Variants in CMTR2 observed in about 807,000 individuals in gnomAD.
CMTR2 encodes the protein cap-specific mRNA (nucleoside-2'-O-)-methyltransferase 2.
In CMTR2, 40 loss-of-function variants were observed where a neutral mutation model predicts 49.8. The ratio of observed to expected loss-of-function variants is 0.80; its 90% confidence interval spans 0.62 to 1.04. CMTR2 has a LOEUF of 1.04. Among genes scored for constraint, CMTR2 ranks in the 50% least tolerant of loss-of-function variants. The pLI is 0.00. For missense variants in CMTR2, 907 were observed against 897.2 expected (o/e 1.01, Z -0.14); for synonymous variants, 326 against 315.8 (o/e 1.03, Z -0.34).
At chr16:71,288,023 C>A (rs534391947) in intron 2 of CMTR2, 1 of 152,260 alleles carries the variant, frequency 6.6e-6, no homozygotes, top group East Asian at 1.9e-4. Flanking sequence ...TAGGAAATTA[C>A]CTTCACATGA....
rs1225776931 is a variant in CMTR2 at position 71,282,758 on chromosome 16, C to T, written c.*850G>A. Reference sequence around the variant, plus strand: ...GTTCATCACATTCATGTGTTCCCAACATGAGACTAAACACTATCTCAAAAT... The same window carrying T: ...GTTCATCACATTCATGTGTTCCCAATATGAGACTAAACACTATCTCAAAAT... On this transcript the variant is annotated 3_prime_UTR_variant, in exon 3 of 3. Coordinates refer to ENST00000434935, the MANE Select transcript of CMTR2 (RefSeq NM_018348.6). 1.3e-5 allele frequency: 2 copies of T among 152,346 alleles called. No homozygotes were observed. The highest frequency in any genetic ancestry group is 2.9e-5 in the Non-Finnish European group (2 of 67,996). 9.4% of individuals were successfully genotyped at this position (152,346 alleles called of 1,614,324 possible).
rs2041713726 is a variant in CMTR2, at chr16:71,285,755, C to T, written c.166G>A (p.Asp56Asn). The T allele has an allele frequency of 2.5e-6, 4 of 1,613,790 alleles. No homozygotes were observed. Among genetic ancestry groups the T allele is most frequent in the Non-Finnish European group, 3.4e-6 (4 of 1,179,908 alleles). Residue 56 changes from aspartate to asparagine, a missense_variant, in exon 3 of 3, where the codon GAC (aspartate) becomes AAC (asparagine). By Grantham distance (23) the Asp-to-Asn change is conservative (BLOSUM62 1). Coordinates refer to ENST00000434935, the MANE Select transcript of CMTR2 (RefSeq NM_018348.6). Reference sequence around the variant, plus strand: ...AGAAATGCATTAAGTTCAGTGTGGTCACAGGTGAAAATCTCACTGGGATCT... The same window carrying T: ...AGAAATGCATTAAGTTCAGTGTGGTTACAGGTGAAAATCTCACTGGGATCT... ...LPDPSEIFTC[D>N]HTELNAFLDL...
chr16:71,284,811 A>T lies in CMTR2; in HGVS notation c.1110T>A (p.Tyr370Ter), dbSNP rs773506239. 6.2e-7 allele frequency: 1 copy of T among 1,613,710 alleles called. No homozygotes were observed. The highest frequency in any genetic ancestry group is 1.3e-5 in the African/African-American group (1 of 74,934). ...HEECCVFFHKYQLETISENIR... is the reference protein window; with the variant it reads ...HEECCVFFHK ...TGTTTTCAGAAATAGTCTCTAGCTG[A>T]TATTTATGAAAGAACACACAACATT... The change falls in exon 3 of 3, where the codon TAT becomes TAA. Residue 370 changes from tyrosine to a stop codon, truncating the protein, a stop_gained. Transcript: ENST00000434935. LOFTEE classifies it high-confidence loss of function.
At position 71,284,957 on chromosome 16, in the gene CMTR2, C is replaced by T. The variant is rs2041690554; in HGVS notation, c.964G>A (p.Gly322Arg). 1.2e-6 allele frequency: 2 copies of T among 1,614,030 alleles called. No homozygotes were observed. The highest frequency in any genetic ancestry group is 1.7e-6 in the Non-Finnish European group (2 of 1,179,888). ...EVYVVCLHYK[G>R]REAIHPLLSK... ...AACAGAGGATGGATGGCCTCTCTCC[C>T]CTTATAGTGGAGGCAAACCACATAG... Residue 322 changes from glycine (G) to arginine (R), a missense_variant, in exon 3 of 3, where the codon GGG becomes AGG. Gly to Arg is a moderately radical substitution (Grantham distance 125). Transcript: ENST00000434935.
At position 71,285,516 on chromosome 16, in the gene CMTR2, A is replaced by G. The variant is rs1489063058; in HGVS notation, c.405T>C (p.Asn135=). Residue 135 remains asparagine, a synonymous_variant, in exon 3 of 3, where the codon AAT becomes AAC. Transcript: ENST00000434935. ...FPLIPQEAFQ[N]GKLNSLHLCE... is the part of the protein sequence containing the mutation. ...AAAGGTGTAGAGAATTCAGTTTTCCATTCTGAAAAGCTTCCTGTGGAATAA... is the reference window on the plus strand; with the variant it reads ...AAAGGTGTAGAGAATTCAGTTTTCCGTTCTGAAAAGCTTCCTGTGGAATAA... 6.2e-7 allele frequency: 1 copy of G among 1,613,856 alleles called. No individual in the cohort carries two copies. Among genetic ancestry groups the G allele is most frequent in the Non-Finnish European group, 8.5e-7 (1 of 1,179,928 alleles).
At position 71,281,872 on chromosome 16, in the gene CMTR2, G is replaced by C. The variant is rs888865963; in HGVS notation, c.*1736C>G. 6.6e-6 allele frequency: 1 copy of C among 151,686 alleles called. No individual in the cohort carries two copies. The highest frequency in any genetic ancestry group is 6.6e-5 in the Admixed American group (1 of 15,234). The allele number at this position is 151,686 out of a possible 1,614,324, so 9.4% of individuals were successfully genotyped here. ...CATTCTTATCAAATAGTTAAAATAAGTAAAAAATAAGCTGCATTATTAGTA... is the reference window on the plus strand; with the variant it reads ...CATTCTTATCAAATAGTTAAAATAACTAAAAAATAAGCTGCATTATTAGTA... On this transcript the variant is annotated 3_prime_UTR_variant, in exon 3 of 3. Transcript: ENST00000434935.
chr16:71,285,571 T>C lies in CMTR2; in HGVS notation c.350A>G (p.Lys117Arg). The change falls in exon 3 of 3, where the codon AAG becomes AGG. Residue 117 changes from lysine to arginine, a missense_variant. Coordinates refer to ENST00000434935, the MANE Select transcript of CMTR2 (RefSeq NM_018348.6). ...AAAGCTGCACAAAATCTCATGGAAC[T>C]TACACCATGCTTGAGTACAAAGTTC... ...NAELCTQAWC[K>R]FHEILCSFPL... is the part of the protein sequence containing the mutation. 6.2e-7 allele frequency: 1 copy of C among 1,614,094 alleles called. No homozygotes were observed. Among genetic ancestry groups the C allele is most frequent in the Non-Finnish European group, 8.5e-7 (1 of 1,179,992 alleles).
chr16:71,288,678 C>A (rs1367733812), intron 2 of CMTR2, 200 bp downstream of exon 2: 1 of 151,650 alleles, frequency 6.6e-6, no homozygotes, highest in African/African-American at 2.4e-5. Flanking sequence ...TGGCTTACAG[C>A]GTGTGTGGAA....
chr16:71,284,170 C>T lies in CMTR2; in HGVS notation c.1751G>A (p.Gly584Asp), dbSNP rs2041668667. ...PSNQIKCLLV[G>D]FSTLRNIKMH... is the part of the protein sequence containing the mutation. Reference sequence around the variant, plus strand: ...TTTGATATTACGGAGAGTCGAAAAGCCCACCAGCAGGCACTTTATTTGATT... The same window carrying T: ...TTTGATATTACGGAGAGTCGAAAAGTCCACCAGCAGGCACTTTATTTGATT... The change falls in exon 3 of 3, where the codon GGC becomes GAC. Residue 584 changes from glycine to aspartate, a missense_variant. Transcript: ENST00000434935. The T allele has an allele frequency of 6.2e-7, 1 of 1,613,772 alleles. No individual in the cohort carries two copies. Among genetic ancestry groups the T allele is most frequent in the African/African-American group, 1.3e-5 (1 of 74,878 alleles).
At position 71,283,543 on chromosome 16, in the gene CMTR2, C is replaced by A; in HGVS notation, c.*65G>T. ...ATAAAAGGTTTTTAAATTAATAGAG[C>A]AACAGGATGCAAATACTGGGCAAAT... On this transcript the variant is annotated 3_prime_UTR_variant, in exon 3 of 3. Transcript: ENST00000434935. The A allele has an allele frequency of 6.6e-7, 1 of 1,518,910 alleles. No individual in the cohort carries two copies. Among genetic ancestry groups the A allele is most frequent in the South Asian group, 1.3e-5 (1 of 74,502 alleles). 94.1% of individuals were successfully genotyped at this position (1,518,910 alleles called of 1,614,324 possible). A position where few individuals can be genotyped will look rare whatever the true frequency, so the allele number is the denominator to read the frequency against.
In CMTR2 at chr16:71,285,577, C is replaced by T; in HGVS notation, c.344G>A (p.Trp115Ter). The T allele has an allele frequency of 6.2e-7, 1 of 1,614,050 alleles. No homozygotes were observed. The highest frequency in any genetic ancestry group is 8.5e-7 in the Non-Finnish European group (1 of 1,179,988). Residue 115 changes from tryptophan (W) to a stop codon, truncating the protein, a stop_gained, in exon 3 of 3, where the codon TGG becomes TAG. Coordinates refer to ENST00000434935, the MANE Select transcript of CMTR2 (RefSeq NM_018348.6). LOFTEE classifies it high-confidence loss of function. The part of the protein sequence containing the change: ...SVNAELCTQA[W>*]CKFHEILCSF... ...GCACAAAATCTCATGGAACTTACAC[C>T]ATGCTTGAGTACAAAGTTCAGCATT...
In CMTR2 at chr16:71,284,049, A is replaced by G; in HGVS notation, c.1872T>C (p.Arg624=). The change falls in exon 3 of 3, where the codon CGT becomes CGC. Residue 624 remains arginine, a synonymous_variant. Transcript: ENST00000434935. ...LLHDGDPTYQ[R]LFLDCLLHSL... ...AATGTAGAAGGCAGTCCAAAAATAA[A>G]CGCTGGTAAGTTGGATCTCCATCAT... is the stretch of plus-strand genomic sequence containing the variant. The G allele has an allele frequency of 6.2e-7, 1 of 1,614,020 alleles. No homozygotes were observed. The highest frequency in any genetic ancestry group is 1.3e-5 in the African/African-American group (1 of 75,048).
rs759417396 is a variant in CMTR2 at position 71,285,384 on chromosome 16, T to C, written c.537A>G (p.Glu179=). ...TAATCATCATGAGGTCGTCATTTGC[T>C]TCATGGTATGGATTCAGAGTATTCG... The part of the protein sequence containing the change: ...WVANTLNPYH[E]ANDDLMMIMD... The change falls in exon 3 of 3, where the codon GAA becomes GAG. Residue 179 remains glutamate, a synonymous_variant. Coordinates refer to ENST00000434935, the MANE Select transcript of CMTR2 (RefSeq NM_018348.6). 20 of 1,613,970 alleles carry C rather than the reference T, an allele frequency of 1.2e-5. No homozygotes were observed. The highest frequency in any genetic ancestry group is 1.6e-4 in the Middle Eastern group (1 of 6,084).
rs759769535 is a variant in CMTR2 at position 71,284,973 on chromosome 16, A to T, written c.948T>A (p.Val316=). The stretch of plus-strand genomic sequence containing the variant: ...CCTCTCTCCCCTTATAGTGGAGGCA[A>T]ACCACATAGACTTCGGAGTTTCCTG... ...SKAGNSEVYV[V]CLHYKGREAI... is the part of the protein sequence containing the mutation. The change falls in exon 3 of 3, where the codon GTT becomes GTA. Residue 316 remains valine (V), a synonymous_variant. Transcript: ENST00000434935. 2 of 1,614,136 alleles carry T rather than the reference A, an allele frequency of 1.2e-6. No homozygotes were observed. The highest frequency in any genetic ancestry group is 2.2e-5 in the South Asian group (2 of 91,076).
chr16:71,285,121 C>G lies in CMTR2; in HGVS notation c.800G>C (p.Gly267Ala). ...CTTTAGAACAAAAGAGCCACCGTTT[C>G]CAAGAGTGGTCAGAGCAGTGACAAC... ...CEVVTALTTL[G>A]NGGSFVLKMF... is the part of the protein sequence containing the mutation. Residue 267 changes from glycine to alanine, a missense_variant, in exon 3 of 3, where the codon GGA becomes GCA. By Grantham distance (60) the Gly-to-Ala change is moderately conservative. Coordinates refer to ENST00000434935, the MANE Select transcript of CMTR2 (RefSeq NM_018348.6). The G allele has an allele frequency of 6.2e-7, 1 of 1,614,142 alleles. No homozygotes were observed. The highest frequency in any genetic ancestry group is 8.5e-7 in the Non-Finnish European group (1 of 1,179,982).
In CMTR2 at chr16:71,285,256, A is replaced by G; in HGVS notation, c.665T>C (p.Phe222Ser). ...GTGAACAGTAGCCATGCTGCTTATGAAATTCTGAAGTCCAGTCAAGAATTT... is the reference window on the plus strand; with the variant it reads ...GTGAACAGTAGCCATGCTGCTTATGGAATTCTGAAGTCCAGTCAAGAATTT... ...TLKFLTGLQN[F>S]ISSMATVHLV... Residue 222 changes from phenylalanine (F) to serine (S), a missense_variant, in exon 3 of 3, where the codon TTC becomes TCC. Coordinates refer to ENST00000434935, the MANE Select transcript of CMTR2 (RefSeq NM_018348.6). The G allele has an allele frequency of 6.2e-7, 1 of 1,614,150 alleles. No individual in the cohort carries two copies. The highest frequency in any genetic ancestry group is 8.5e-7 in the Non-Finnish European group (1 of 1,179,978).
upstream of CMTR2, chr16:71,289,663 A>AGGGGGAGGGGGGGGGGGGGGGGGGGGG (rs1259857977): frequency 8.5e-5 from 1 of 11,754 alleles, no homozygotes; most frequent in Non-Finnish European, 1.6e-4. Context: ...GGGGAGGGGG[A>AGGGGGAGGGGGGGGGGGGGGGGGGGGG]GGGAGGGAAG....
Position 71,283,505 on chromosome 16 carries a change from G to A in CMTR2, c.*103C>T, listed in dbSNP as rs990534209. On this transcript the variant is annotated 3_prime_UTR_variant, in exon 3 of 3. Transcript: ENST00000434935. ...GAGACTTTGAATGATGCAAATGTTGGCCTTTCCCCAAAATAAAAGGTTTTT... is the reference window on the plus strand; with the variant it reads ...GAGACTTTGAATGATGCAAATGTTGACCTTTCCCCAAAATAAAAGGTTTTT... The A allele has an allele frequency of 8.3e-6, 11 of 1,323,738 alleles. No homozygotes were observed. The African/African-American group carries it at 1.5e-4, about 18-fold the overall frequency. The allele number at this position is 1,323,738 out of a possible 1,614,324, so 82.0% of individuals were successfully genotyped here. A position where few individuals can be genotyped will look rare whatever the true frequency, so the allele number is the denominator to read the frequency against.
chr16:71,284,934 C>G lies in CMTR2; in HGVS notation c.987G>C (p.Leu329=). The change falls in exon 3 of 3, where the codon CTG becomes CTC. Residue 329 remains leucine (L), a synonymous_variant. Coordinates refer to ENST00000434935, the MANE Select transcript of CMTR2 (RefSeq NM_018348.6). The stretch of plus-strand genomic sequence containing the variant: ...CAAAATTCAAGGTCATCTTAGATAA[C>G]AGAGGATGGATGGCCTCTCTCCCCT... ...HYKGREAIHP[L]LSKMTLNFGT... 1 of 1,614,148 alleles carries G rather than the reference C, an allele frequency of 6.2e-7. No individual in the cohort carries two copies. Among genetic ancestry groups the G allele is most frequent in the South Asian group, 1.1e-5 (1 of 91,082 alleles).
Sources: allele counts gnomAD v4.1 joint callset, GRCh38; gene constraint gnomAD v4.1.1; transcripts MANE v1.5; gene names NCBI Gene and HGNC (gene_info 2026-07-23, HGNC 2026-07-21).